The following CTNNA2 variants were observed in gnomAD, a reference collection of about 807,000 sequenced individuals.
The protein encoded by CTNNA2 is catenin alpha-2.
In CTNNA2, 42 loss-of-function variants were observed where a neutral mutation model predicts 101.0. The observed-to-expected ratio is 0.42, with a 90% CI of 0.32 to 0.54. CTNNA2 has a LOEUF of 0.54. Among genes scored for constraint, CTNNA2 ranks in the 20% least tolerant of loss-of-function variants. The pLI, the probability that CTNNA2 is intolerant of heterozygous loss-of-function variation, is 0.14. For missense variants in CTNNA2, 871 were observed against 1,223.1 expected, an observed-to-expected ratio of 0.71 and a Z score of 4.29; for synonymous variants, 450 against 456.4, an observed-to-expected ratio of 0.99 and a Z score of 0.18.
intron 2 of CTNNA2, among the ~76,000 whole-genome samples, chr2:79,233,083 T>TTTC (rs140253217): frequency 0.086 from 13,142 of 152,176 alleles, 769 homozygotes; most frequent in East Asian, 0.18. Context: ...AGTTATTTCT[T>TTTC]TTCTACTAGC....
At chr2:79,260,924 C>T (rs929713616) in intron 2 of CTNNA2, among the ~76,000 whole-genome samples, 1 of 152,112 alleles carries the variant, frequency 6.6e-6, no homozygotes, top group African/African-American at 2.4e-5. Flanking sequence ...TCATCCTCCC[C>T]CGCAATTCCT....
At chr2:79,693,874 G>GCA (rs1289193153) in intron 2 of CTNNA2, among the ~76,000 whole-genome samples, 1 of 151,882 alleles carries the variant, frequency 6.6e-6, no homozygotes, top group African/African-American at 2.4e-5. Context: ...GTAATCATGG[G>GCA]GATAAATAAA....
At chr2:80,249,848 T>C (rs2149104497) in intron 7 of CTNNA2, among the ~76,000 whole-genome samples, 1 of 152,340 alleles carries the variant, frequency 6.6e-6, no homozygotes, top group African/African-American at 2.4e-5. Flanking sequence ...TTCTTCATCA[T>C]TATTATGTTT....
At position 79,635,429 on chromosome 2, in the gene CTNNA2, G is replaced by A. The variant is rs149041116; in HGVS notation, c.-5-16123G>A. On this transcript the variant is annotated intron_variant, in intron 1 of 18. Transcript: ENST00000402739. Reference sequence around the variant, plus strand: ...CCTGGGTGGCAGAGCTAGCAGAGCTGGACTCCGTCACAGAAAAAAGAAAAA... The same window carrying A: ...CCTGGGTGGCAGAGCTAGCAGAGCTAGACTCCGTCACAGAAAAAAGAAAAA... Among the ~76,000 whole-genome samples, 966 of 151,804 alleles carry A rather than the reference G, an allele frequency of 6.4e-3. 27 individuals carry two copies. In the South Asian group the frequency reaches 0.068, roughly 11 times the overall value.
At chr2:79,465,353 T>C (rs7560663) in intron 4 of CTNNA2, among the ~76,000 whole-genome samples, 10,498 of 152,254 alleles carry the variant, frequency 0.069, 753 homozygotes, top group African/African-American at 0.19. Context: ...ATTTCTGTTT[T>C]GGTACCAGTA....
At chr2:79,305,824 T>C (rs1186555281) in intron 2 of CTNNA2, among the ~76,000 whole-genome samples, 4 of 152,024 alleles carry the variant, frequency 2.6e-5, no homozygotes, top group Non-Finnish European at 4.4e-5. Context: ...GGCAGGTGGA[T>C]CACGAGGTCA....
intron 7 of CTNNA2, among the ~76,000 whole-genome samples, chr2:80,235,078 A>C (rs2149081876): frequency 6.6e-6 from 1 of 152,280 alleles, no homozygotes; most frequent in South Asian, 2.1e-4. Flanking sequence ...TGTTTATTAA[A>C]ATTTAGAATG....
chr2:79,561,479 C>T lies in CTNNA2; in HGVS notation c.-6+48272C>T, dbSNP rs544516964. On this transcript the variant is annotated intron_variant, in intron 1 of 18. Transcript: ENST00000402739. ...GTGGAATCGTTTAGTTGCATGGTAA[C>T]GCTAAGTTCAATTTTTTGAGCAACT... Among the ~76,000 whole-genome samples, 13 of 151,906 alleles carry T rather than the reference C, an allele frequency of 8.6e-5. No homozygotes were observed. In the East Asian group the frequency reaches 1.4e-3, roughly 16 times the overall value.
At chr2:80,277,750 C>T (rs926964417) in intron 7 of CTNNA2, among the ~76,000 whole-genome samples, 4 of 151,978 alleles carry the variant, frequency 2.6e-5, no homozygotes, top group Non-Finnish European at 4.4e-5. Flanking sequence ...TTCTTTTTCC[C>T]TTGAGTAGAC....
chr2:80,306,436 CTTTCTTTCTT>C (rs1482739936), intron 7 of CTNNA2, among the ~76,000 whole-genome samples: 103 of 139,832 alleles, frequency 7.4e-4, no homozygotes, highest in African/African-American at 2.7e-3. Context: ...TTCTTTCTTT[CTTTCTTTCTT>C]TCTTTCTCTC....
At chr2:79,718,755 A>G (rs1686273338) in intron 2 of CTNNA2, among the ~76,000 whole-genome samples, 1 of 151,872 alleles carries the variant, frequency 6.6e-6, no homozygotes, top group African/African-American at 2.4e-5. Flanking sequence ...TTTATCTACA[A>G]TGCCTGATGC....
intron 7 of CTNNA2, among the ~76,000 whole-genome samples, chr2:80,101,649 G>A (rs1386764954): frequency 6.6e-6 from 1 of 152,258 alleles, no homozygotes; most frequent in East Asian, 1.9e-4. Context: ...TGTTATCAGC[G>A]GGATGCTTGC....
chr2:80,311,059 G>C (rs570563197), intron 7 of CTNNA2, among the ~76,000 whole-genome samples: 6 of 151,530 alleles, frequency 4.0e-5, no homozygotes, highest in Non-Finnish European at 5.9e-5. Context: ...TCAATCACCA[G>C]AGATGAACTA....
chr2:80,566,983 C>G (rs978935841), intron 12 of CTNNA2, among the ~76,000 whole-genome samples: 2 of 152,212 alleles, frequency 1.3e-5, no homozygotes, highest in East Asian at 1.9e-4. Context: ...GAACAGTGTA[C>G]GAACCCTTAG....
At chr2:80,020,160 AT>A (rs1357308973) in intron 7 of CTNNA2, among the ~76,000 whole-genome samples, 3 of 152,192 alleles carry the variant, frequency 2.0e-5, no homozygotes, top group Non-Finnish European at 4.4e-5. Context: ...CAAATATGAT[AT>A]TTTCATTTGC....
At chr2:79,466,674 C>T (rs1052847330) in intron 4 of CTNNA2, among the ~76,000 whole-genome samples, 40 of 152,282 alleles carry the variant, frequency 2.6e-4, no homozygotes, top group African/African-American at 8.4e-4. Context: ...CCCTCTGAGA[C>T]GGAGCTTCCA....
intron 11 of CTNNA2, among the ~76,000 whole-genome samples, chr2:80,547,159 A>G (rs949137812): frequency 6.6e-6 from 1 of 152,144 alleles, no homozygotes; most frequent in Non-Finnish European, 1.5e-5. Flanking sequence ...ATAAATTCCC[A>G]CTGGGGCTTG....
intron 4 of CTNNA2, among the ~76,000 whole-genome samples, chr2:79,385,989 C>T (rs1321367354): frequency 2.6e-5 from 4 of 152,192 alleles, no homozygotes; most frequent in African/African-American, 9.7e-5. Flanking sequence ...CTGCAATAAA[C>T]ATACATGTGC....
chr2:79,410,579 T>A (rs1013026597), intron 4 of CTNNA2, among the ~76,000 whole-genome samples: 8 of 152,272 alleles, frequency 5.3e-5, no homozygotes, highest in Non-Finnish European at 7.4e-5. Flanking sequence ...TGTCTTTGGT[T>A]CAGTTTATAT....
Sources: allele counts gnomAD v4.1 joint callset (sites outside exome capture counted in the v4.1 genomes callset), GRCh38; gene constraint gnomAD v4.1.1; transcripts MANE v1.5; gene names NCBI Gene and HGNC (gene_info 2026-07-23, HGNC 2026-07-21).